The following AUTS2 variants were observed in gnomAD, a reference collection of about 807,000 sequenced individuals.
The protein encoded by AUTS2 is autism susceptibility gene 2 protein.
A neutral mutation model predicts 112.4 loss-of-function variants in AUTS2; 17 were observed. The ratio of observed to expected loss-of-function variants is 0.15; its 90% CI spans 0.10 to 0.23. The LOEUF is 0.23. Ranked by LOEUF, AUTS2 falls within the 10% of genes least tolerant of loss-of-function variation. The pLI is 1.00. For missense variants in AUTS2, 1,510 were observed against 1,701.6 expected, an observed-to-expected ratio of 0.89 and a Z score of 1.98; for synonymous variants, 751 against 702.7, an observed-to-expected ratio of 1.07 and a Z score of -1.09.
intron 4 of AUTS2, among the ~76,000 whole-genome samples, chr7:70,401,232 G>T (rs1467510614): frequency 6.6e-6 from 1 of 152,144 alleles, no homozygotes; most frequent in Non-Finnish European, 1.5e-5. Flanking sequence ...GCACACACCT[G>T]CTCCCCTTTC....
intron 5 of AUTS2, among the ~76,000 whole-genome samples, chr7:70,606,608 C>G (rs1803782161): frequency 6.6e-6 from 1 of 152,176 alleles, no homozygotes; most frequent in South Asian, 2.1e-4. Flanking sequence ...CGCCTGTAAT[C>G]TCAGCACTTT....
rs192846527 is a variant in AUTS2 at position 70,714,484 on chromosome 7, C to T, written c.742+15864C>T. ...TAAATATGCAGTAATTCCTCAGTGTCATCTGAGGAATATACCCATCCATGA... is the reference window on the plus strand; with the variant it reads ...TAAATATGCAGTAATTCCTCAGTGTTATCTGAGGAATATACCCATCCATGA... On this transcript the variant is annotated intron_variant, in intron 6 of 18. Transcript: ENST00000342771. 8.5e-4 allele frequency among the ~76,000 whole-genome samples: 129 copies of T among 152,308 alleles called. No individual in the cohort carries two copies. In the Middle Eastern group the frequency reaches 0.02, roughly 24 times the overall value.
intron 4 of AUTS2, among the ~76,000 whole-genome samples, chr7:70,190,154 T>G (rs574129882): frequency 3.9e-5 from 6 of 152,234 alleles, no homozygotes; most frequent in African/African-American, 1.4e-4. Context: ...GCATCCTTTT[T>G]CTGCCATGAT....
chr7:69,645,853 G>A (rs1013584768), intron 1 of AUTS2, among the ~76,000 whole-genome samples: 1 of 152,054 alleles, frequency 6.6e-6, no homozygotes, highest in East Asian at 1.9e-4. Flanking sequence ...TCTCTGAATG[G>A]CAACAGATAA....
chr7:70,189,343 CT>C (rs1470497626), intron 4 of AUTS2, among the ~76,000 whole-genome samples: 1 of 152,182 alleles, frequency 6.6e-6, no homozygotes, highest in Non-Finnish European at 1.5e-5. Flanking sequence ...CAACTCCCTA[CT>C]GTGGCATTGA....
At chr7:69,913,844 C>G (rs559503808) in intron 2 of AUTS2, among the ~76,000 whole-genome samples, 88 of 152,270 alleles carry the variant, frequency 5.8e-4, no homozygotes, top group South Asian at 3.1e-3. Context: ...GGCTCCAGCT[C>G]CCGACCTTCC....
intron 2 of AUTS2, among the ~76,000 whole-genome samples, chr7:70,066,476 C>T (rs948738047): frequency 6.6e-6 from 1 of 151,138 alleles, no homozygotes; most frequent in East Asian, 1.9e-4. Flanking sequence ...TTGCAACAAT[C>T]ATCTTTATGT....
At chr7:70,335,748 A>T (rs757852979) in intron 4 of AUTS2, among the ~76,000 whole-genome samples, 1 of 152,246 alleles carries the variant, frequency 6.6e-6, no homozygotes, top group Non-Finnish European at 1.5e-5. Flanking sequence ...TTGACTTCTA[A>T]GTTTTTTCCA....
chr7:69,788,801 T>TA (rs148847931), intron 1 of AUTS2, among the ~76,000 whole-genome samples: 1 of 151,184 alleles, frequency 6.6e-6, no homozygotes, highest in East Asian at 1.9e-4. Flanking sequence ...CTATGCCCCT[T>TA]AAAAAAAGAA....
intron 1 of AUTS2, among the ~76,000 whole-genome samples, chr7:69,762,873 G>C (rs998264126): frequency 9.2e-5 from 14 of 152,162 alleles, no homozygotes; most frequent in Non-Finnish European, 2.1e-4. Context: ...TTACAGGTGA[G>C]GAGAATTGCA....
At chr7:69,816,631 C>T (rs1790774191) in intron 1 of AUTS2, among the ~76,000 whole-genome samples, 1 of 152,194 alleles carries the variant, frequency 6.6e-6, no homozygotes, top group Non-Finnish European at 1.5e-5. Flanking sequence ...TGACTGATAA[C>T]TATAGAGTAC....
Position 70,672,186 on chromosome 7 carries a change from G to T in AUTS2, c.691-26383G>T, listed in dbSNP as rs368274583. Among the ~76,000 whole-genome samples, 19 of 152,342 alleles carry T rather than the reference G, an allele frequency of 1.2e-4. No homozygotes were observed. The South Asian group carries it at 3.7e-3, about 30-fold the overall frequency. On this transcript the variant is annotated intron_variant, in intron 5 of 18. Transcript: ENST00000342771. ...TGAGTTGGAGATACAGAAGTGTAAGGCAGGAGGAGCTGGAGTCTTGGGAGC... is the reference window on the plus strand; with the variant it reads ...TGAGTTGGAGATACAGAAGTGTAAGTCAGGAGGAGCTGGAGTCTTGGGAGC...
intron 5 of AUTS2, among the ~76,000 whole-genome samples, chr7:70,634,478 G>T (rs1406382735): frequency 6.6e-6 from 1 of 152,154 alleles, no homozygotes; most frequent in African/African-American, 2.4e-5. Context: ...CATGCTTGAG[G>T]ACACCCTTTG....
chr7:70,657,655 T>C (rs1221678888), intron 5 of AUTS2, among the ~76,000 whole-genome samples: 2 of 152,194 alleles, frequency 1.3e-5, no homozygotes, highest in Admixed American at 6.5e-5. Context: ...TGCTATTTTT[T>C]CCCCTAGCGT....
intron 2 of AUTS2, among the ~76,000 whole-genome samples, chr7:70,077,760 T>C (rs1328920047): frequency 6.6e-6 from 1 of 152,180 alleles, no homozygotes; most frequent in South Asian, 2.1e-4. Flanking sequence ...GCCATCAGGC[T>C]GCACTCTCTG....
chr7:70,752,080 C>G (rs1459125944), intron 6 of AUTS2, among the ~76,000 whole-genome samples: 2 of 152,058 alleles, frequency 1.3e-5, no homozygotes, highest in East Asian at 3.9e-4. Context: ...GCGTAGTACA[C>G]AGTGTCATGT....
At chr7:70,351,038 G>A (rs1336132682) in intron 4 of AUTS2, among the ~76,000 whole-genome samples, 1 of 149,790 alleles carries the variant, frequency 6.7e-6, no homozygotes, top group Non-Finnish European at 1.5e-5. Flanking sequence ...CAAATGACAG[G>A]ATTTTGTCTT....
At chr7:70,623,384 G>A (rs571159275) in intron 5 of AUTS2, among the ~76,000 whole-genome samples, 23 of 152,252 alleles carry the variant, frequency 1.5e-4, no homozygotes, top group African/African-American at 5.3e-4. Flanking sequence ...ACCAACTGTC[G>A]TTCTGTTCAA....
At chr7:70,040,225 T>G (rs900652626) in intron 2 of AUTS2, among the ~76,000 whole-genome samples, 4 of 152,166 alleles carry the variant, frequency 2.6e-5, no homozygotes, top group African/African-American at 9.7e-5. Context: ...TAATGATGTG[T>G]CAGTCTAGAC....
Sources: gnomAD v4.1 joint callset for allele counts (sites outside exome capture counted in the v4.1 genomes callset) on GRCh38, gnomAD v4.1.1 for gene constraint, MANE v1.5 for transcripts, NCBI Gene and HGNC (gene_info 2026-07-23, HGNC 2026-07-21) for gene names.